The following ZMYM4 variants were observed in gnomAD, a reference collection of about 807,000 sequenced individuals.
ZMYM4 encodes zinc finger MYM-type protein 4.
Under a neutral mutation model 183.2 loss-of-function variants are expected in ZMYM4, and 31 were observed. That is an observed-to-expected ratio of 0.17 (90% CI 0.13 to 0.23). The LOEUF is 0.23. Among genes scored for constraint, ZMYM4 ranks in the 10% least tolerant of loss-of-function variants. ZMYM4 has a pLI of 1.00. For synonymous variants in ZMYM4, 592 were observed against 631.2 expected (o/e 0.94, Z 0.93); for missense variants, 1,273 against 1,840.3 (o/e 0.69, Z 5.64).
At chr1:35,305,668 C>T (rs1271557538) in intron 1 of ZMYM4, among the ~76,000 whole-genome samples, 1 of 152,088 alleles carries the variant, frequency 6.6e-6, no homozygotes, top group Non-Finnish European at 1.5e-5. Context: ...CTCAGCCTCC[C>T]AAGTAGCTGG....
intron 1 of ZMYM4, among the ~76,000 whole-genome samples, chr1:35,281,324 T>C (rs1054010197): frequency 6.6e-6 from 1 of 151,378 alleles, no homozygotes; most frequent in Non-Finnish European, 1.5e-5. Context: ...AAAAATGTGT[T>C]AAAATGTACA....
At chr1:35,350,994 A>T in intron 2 of ZMYM4, 3 of 840,612 alleles carry the variant, frequency 3.6e-6, no homozygotes, top group Non-Finnish European at 5.7e-6. Context: ...GGTTGGCCTG[A>T]CAAATTATGC....
intron 1 of ZMYM4, among the ~76,000 whole-genome samples, chr1:35,270,338 A>G (rs1288490940): frequency 1.3e-5 from 2 of 152,188 alleles, no homozygotes; most frequent in African/African-American, 4.8e-5. Context: ...TAAATTGTAA[A>G]TGACCAAAGA....
intron 28 of ZMYM4, among the ~76,000 whole-genome samples, chr1:35,416,867 G>A (rs1640136671): frequency 6.6e-6 from 1 of 152,120 alleles, no homozygotes; most frequent in East Asian, 1.9e-4. Context: ...CCTGGCCTCA[G>A]TTGGTATTAA....
At chr1:35,283,196 G>A (rs1452826658) in intron 1 of ZMYM4, among the ~76,000 whole-genome samples, 1 of 143,794 alleles carries the variant, frequency 7.0e-6, no homozygotes, top group Non-Finnish European at 1.5e-5. Flanking sequence ...TGTACTTTTA[G>A]TAGAGATGGG....
chr1:35,375,529 T>G (rs1173657910), intron 7 of ZMYM4, among the ~76,000 whole-genome samples: 2 of 152,216 alleles, frequency 1.3e-5, no homozygotes, highest in African/African-American at 4.8e-5. Context: ...AGGGTTTCAA[T>G]TTGATTTGAA....
At chr1:35,279,898 T>C (rs1279798093) in intron 1 of ZMYM4, among the ~76,000 whole-genome samples, 2 of 152,210 alleles carry the variant, frequency 1.3e-5, no homozygotes, top group Non-Finnish European at 2.9e-5. Context: ...TCTGTGTATG[T>C]ATTCTCTAAG....
chr1:35,380,250 A>G (rs1644424350), intron 7 of ZMYM4, among the ~76,000 whole-genome samples: 2 of 152,174 alleles, frequency 1.3e-5, no homozygotes, highest in Admixed American at 1.3e-4. Flanking sequence ...TACTCATGGG[A>G]GAGAGACATT....
chr1:35,398,993 A>C lies in ZMYM4; in HGVS notation c.3383A>C (p.Gln1128Pro). Residue 1128 changes from glutamine to proline, a missense_variant, in exon 22 of 30, where the codon CAG becomes CCG. This residue lies in a region of ZMYM4 where 290 missense variants were observed against 353.3 expected (regional missense o/e 0.82). Coordinates refer to ENST00000314607, the MANE Select transcript of ZMYM4 (RefSeq NM_005095.3). Reference sequence around the variant, plus strand: ...CAAGAGGCTGATTCAGAATTGAAGCAGTTCTCAAAAGGGGAAACTGAACAG... The same window carrying C: ...CAAGAGGCTGATTCAGAATTGAAGCCGTTCTCAAAAGGGGAAACTGAACAG... ...AVQEADSELK[Q>P]FSKGETEQDL... is the part of the protein sequence containing the mutation. 1 of 1,614,158 alleles carries C rather than the reference A, an allele frequency of 6.2e-7. No homozygotes were observed. The highest frequency in any genetic ancestry group is 1.1e-5 in the South Asian group (1 of 91,086).
intron 1 of ZMYM4, among the ~76,000 whole-genome samples, chr1:35,291,300 G>C (rs1311093395): frequency 2.6e-5 from 4 of 151,466 alleles, no homozygotes; most frequent in Admixed American, 2.0e-4. Context: ...TTTTTTTGCA[G>C]AAATAGGGTG....
At chr1:35,373,225 AAT>A (rs1287647539) in intron 7 of ZMYM4, among the ~76,000 whole-genome samples, 3 of 149,500 alleles carry the variant, frequency 2.0e-5, no homozygotes, top group African/African-American at 2.5e-5. Context: ...AGTATAAATA[AAT>A]ATATATATAT....
Position 35,422,058 on chromosome 1 carries a change from G to A in ZMYM4, c.*2381G>A, listed in dbSNP as rs1435852015. The A allele has an allele frequency of 2.0e-5, 3 of 152,228 alleles. No homozygotes were observed. Among genetic ancestry groups the A allele is most frequent in the Non-Finnish European group, 4.4e-5 (3 of 68,004 alleles). 9.4% of individuals were successfully genotyped at this position (152,228 alleles called of 1,614,324 possible). ...ATTACAAAGAAAGAGAGCAGTTTCC[G>A]AGAAAGAAATTTTTTTTATGTAGTC... On this transcript the variant is annotated 3_prime_UTR_variant, in exon 30 of 30. Coordinates refer to ENST00000314607, the MANE Select transcript of ZMYM4 (RefSeq NM_005095.3).
chr1:35,329,785 G>T (rs534757601), intron 2 of ZMYM4, among the ~76,000 whole-genome samples: 1 of 152,072 alleles, frequency 6.6e-6, no homozygotes, highest in African/African-American at 2.4e-5. Context: ...AACTCCTGGG[G>T]TCAAGCAGTC....
intron 11 of ZMYM4, among the ~76,000 whole-genome samples, chr1:35,386,434 A>G (rs1644579483): frequency 6.6e-6 from 1 of 152,244 alleles, no homozygotes; most frequent in East Asian, 1.9e-4. Flanking sequence ...AGGAAGAGAG[A>G]GAAGCGGGAG....
intron 26 of ZMYM4, among the ~76,000 whole-genome samples, chr1:35,411,384 T>C (rs1343561193): frequency 6.6e-6 from 1 of 151,794 alleles, no homozygotes; most frequent in African/African-American, 2.4e-5. Flanking sequence ...CTCGATCTCA[T>C]GACCTTGTGA....
At chr1:35,324,866 C>G (rs1642436949) in intron 1 of ZMYM4, among the ~76,000 whole-genome samples, 1 of 152,200 alleles carries the variant, frequency 6.6e-6, no homozygotes, top group Non-Finnish European at 1.5e-5. Context: ...TGACATGGCT[C>G]TACTTCTGTC....
At chr1:35,295,459 G>A (rs1640960517) in intron 1 of ZMYM4, among the ~76,000 whole-genome samples, 1 of 152,136 alleles carries the variant, frequency 6.6e-6, no homozygotes. Context: ...GGAATAACAG[G>A]TTATAGATAA....
At chr1:35,414,736 C>G (rs1640045527) in intron 27 of ZMYM4, among the ~76,000 whole-genome samples, 2 of 152,046 alleles carry the variant, frequency 1.3e-5, no homozygotes, top group Non-Finnish European at 2.9e-5. Context: ...CCTATTTCAT[C>G]ATGTGAAAAT....
chr1:35,321,589 C>CTGTG lies in ZMYM4; in HGVS notation c.40-3751_40-3748dup, dbSNP rs141218579. 9.1e-4 allele frequency among the ~76,000 whole-genome samples: 135 copies of CTGTG among 147,936 alleles called. 1 individual carries two copies. The highest frequency in any genetic ancestry group is 2.9e-3 in the African/African-American group (118 of 40,562). ...CATTTTTCTTGGGAGACTTTCAGAG[C>CTGTG]TGTGTGTGTGTGTGTGTGTGTGTCC... On this transcript the variant is annotated intron_variant, in intron 1 of 29. Coordinates refer to ENST00000314607, the MANE Select transcript of ZMYM4 (RefSeq NM_005095.3).
Sources: allele counts gnomAD v4.1 joint callset (sites outside exome capture counted in the v4.1 genomes callset), GRCh38; gene constraint gnomAD v4.1.1; regional missense constraint gnomAD v4.1.1; transcripts MANE v1.5; gene names NCBI Gene and HGNC (gene_info 2026-07-23, HGNC 2026-07-21).